Variants in LHPP observed in about 807,000 individuals in gnomAD.
LHPP encodes hLHPP.
In LHPP, 24 loss-of-function variants were observed where a neutral mutation model predicts 30.3. That is an observed-to-expected ratio of 0.79 (90% CI 0.57 to 1.11). The LOEUF is 1.11. Ranked by LOEUF, LHPP falls within the 50% of genes most tolerant of loss-of-function variation. The probability of loss-of-function intolerance (pLI) is 0.00; values close to 1 mark genes in which losing one functional copy is unlikely to be tolerated. For missense variants in LHPP, 356 were observed against 367.2 expected (o/e 0.97, Z 0.25); for synonymous variants, 150 against 157.1 (o/e 0.95, Z 0.34).
chr10:124,599,386 A>G (rs1209414341), intron 6 of LHPP, among the ~76,000 whole-genome samples: 1 of 152,120 alleles, frequency 6.6e-6, no homozygotes, highest in African/African-American at 2.4e-5. Flanking sequence ...TTTCAGCTGC[A>G]CTTTCAGGAT....
chr10:124,482,819 A>G (rs1053704263), intron 1 of LHPP, among the ~76,000 whole-genome samples: 4 of 151,872 alleles, frequency 2.6e-5, no homozygotes, highest in Non-Finnish European at 5.9e-5. Flanking sequence ...CACCCTGTTT[A>G]TATTCTGCAT....
chr10:124,488,681 G>A (rs1953416530), intron 3 of LHPP, 106 bp downstream of exon 3: 1 of 944,026 alleles, frequency 1.1e-6, no homozygotes, highest in South Asian at 1.7e-5. Context: ...GGAGGTGGGA[G>A]GAGCACCGGT....
chr10:124,534,978 C>G (rs759054099), intron 6 of LHPP, among the ~76,000 whole-genome samples: 10 of 152,320 alleles, frequency 6.6e-5, no homozygotes, highest in African/African-American at 1.9e-4. Context: ...CCTGGGTCCT[C>G]GGCGCCTATT....
In LHPP at chr10:124,593,940, G is replaced by A. The variant is rs977210042; in HGVS notation, c.717-19324G>A. On this transcript the variant is annotated intron_variant, in intron 6 of 6. Coordinates refer to ENST00000368842, the MANE Select transcript of LHPP (RefSeq NM_022126.4). This position sits in a 1 kb window ranked among gnomAD's most constrained non-coding sequence, Gnocchi z 4.9. Reference sequence around the variant, plus strand: ...CTATTGAACACCAGGTCCTTGCTGCGTCTGGCTGGGCTGCAGAATACCCTT... The same window carrying A: ...CTATTGAACACCAGGTCCTTGCTGCATCTGGCTGGGCTGCAGAATACCCTT... 5.3e-5 allele frequency among the ~76,000 whole-genome samples: 8 copies of A among 152,372 alleles called. No homozygotes were observed. Among genetic ancestry groups the A allele is most frequent in the South Asian group, 4.1e-4 (2 of 4,834 alleles).
intron 6 of LHPP, among the ~76,000 whole-genome samples, chr10:124,559,929 C>T (rs1463345146): frequency 2.0e-5 from 3 of 152,266 alleles, no homozygotes; most frequent in Non-Finnish European, 2.9e-5. Flanking sequence ...GGTGTTGCCA[C>T]CTGAGGTGCC....
chr10:124,538,121 C>G (rs1955079098), intron 6 of LHPP, among the ~76,000 whole-genome samples: 2 of 152,172 alleles, frequency 1.3e-5, no homozygotes, highest in African/African-American at 4.8e-5. Flanking sequence ...TCTCACCATG[C>G]AGGGTCACCA....
chr10:124,492,218 G>T (rs1447299855), intron 3 of LHPP, among the ~76,000 whole-genome samples: 1 of 152,202 alleles, frequency 6.6e-6, no homozygotes, highest in Non-Finnish European at 1.5e-5. Flanking sequence ...ACTTCTTCAC[G>T]CTGTGTCTCT....
At position 124,475,030 on chromosome 10, in the gene LHPP, C is replaced by CTTTTTTTTTTCTT. The variant is rs57739169; in HGVS notation, c.126-9099_126-9098insCTTTTTTTTTTTT. 2.0e-5 allele frequency among the ~76,000 whole-genome samples: 2 copies of CTTTTTTTTTTCTT among 98,656 alleles called. 1 individual carries two copies. The highest frequency in any genetic ancestry group is 3.7e-5 in the Non-Finnish European group (2 of 53,472). 64.7% of individuals were successfully genotyped at this position (98,656 alleles called of 152,430 possible). ...GAAATGTGCCAGGTGCTTCTCATGT[C>CTTTTTTTTTTCTT]TTTTTTTTTTGAAATGGAGTCTCGC... On this transcript the variant is annotated intron_variant, in intron 1 of 6. Coordinates refer to ENST00000368842, the MANE Select transcript of LHPP (RefSeq NM_022126.4).
intron 5 of LHPP, among the ~76,000 whole-genome samples, chr10:124,509,533 C>T (rs988762793): frequency 1.3e-5 from 2 of 152,134 alleles, no homozygotes; most frequent in Admixed American, 6.5e-5. Context: ...GCTTGTTTCC[C>T]CACATCCTTA....
chr10:124,522,562 T>C (rs1954634995), intron 6 of LHPP, among the ~76,000 whole-genome samples: 1 of 152,220 alleles, frequency 6.6e-6, no homozygotes. Context: ...GACTGGAACC[T>C]GGCCGCCCCC....
At chr10:124,575,673 T>C (rs564062212) in intron 6 of LHPP, among the ~76,000 whole-genome samples, 83 of 152,234 alleles carry the variant, frequency 5.5e-4, no homozygotes, top group African/African-American at 1.9e-3. Flanking sequence ...GTGTCTGTCT[T>C]TCCCCTCGTC....
chr10:124,463,221 CTT>C (rs35305882), intron 1 of LHPP, among the ~76,000 whole-genome samples: 20 of 151,520 alleles, frequency 1.3e-4, no homozygotes, highest in Middle Eastern at 3.4e-3. Context: ...TTAAGTATAC[CTT>C]TTTTTTTTAA....
chr10:124,574,627 G>A (rs545875433), intron 6 of LHPP, among the ~76,000 whole-genome samples: 4 of 152,308 alleles, frequency 2.6e-5, no homozygotes, highest in East Asian at 1.9e-4. Flanking sequence ...GGGAGTGGTC[G>A]CATCCCACCG....
At chr10:124,547,441 C>G (rs1250066479) in intron 6 of LHPP, among the ~76,000 whole-genome samples, 1 of 152,220 alleles carries the variant, frequency 6.6e-6, no homozygotes, top group Non-Finnish European at 1.5e-5. Context: ...CTAGAAGAGT[C>G]TGCAGCTCGT....
chr10:124,530,707 G>C (rs1028994135), intron 6 of LHPP, among the ~76,000 whole-genome samples: 2 of 152,190 alleles, frequency 1.3e-5, no homozygotes, highest in African/African-American at 4.8e-5. Flanking sequence ...AGAACCACGG[G>C]CTTGCTTTAG....
intron 6 of LHPP, among the ~76,000 whole-genome samples, chr10:124,588,494 G>T (rs1374079084): frequency 6.6e-6 from 1 of 152,122 alleles, no homozygotes; most frequent in Non-Finnish European, 1.5e-5. Flanking sequence ...ATGTTGACCA[G>T]ACTAGTCTTG....
At chr10:124,597,796 C>T (rs1272664882) in intron 6 of LHPP, among the ~76,000 whole-genome samples, 2 of 152,202 alleles carry the variant, frequency 1.3e-5, no homozygotes, top group African/African-American at 4.8e-5. Context: ...GGGGATCTGG[C>T]CGTTGGAGTG....
chr10:124,549,399 A>G (rs552020252), intron 6 of LHPP, among the ~76,000 whole-genome samples: 153 of 151,996 alleles, frequency 1.0e-3, no homozygotes, highest in Admixed American at 2.5e-3. Context: ...GTGAGTAGCC[A>G]TGCACTCCAG....
In LHPP at chr10:124,555,306, C is replaced by T. The variant is rs563626235; in HGVS notation, c.716+38035C>T. On this transcript the variant is annotated intron_variant, in intron 6 of 6. Transcript: ENST00000368842. Reference sequence around the variant, plus strand: ...CCTGCAGGAGGCACCCTTGCCAGGGCGAGTGAGCACTGTAGTCTGGGAGAC... The same window carrying T: ...CCTGCAGGAGGCACCCTTGCCAGGGTGAGTGAGCACTGTAGTCTGGGAGAC... 7.9e-5 allele frequency among the ~76,000 whole-genome samples: 12 copies of T among 152,274 alleles called. No individual in the cohort carries two copies. In the South Asian group the frequency reaches 1.9e-3, roughly 24 times the overall value.
Sources: allele counts gnomAD v4.1 joint callset (sites outside exome capture counted in the v4.1 genomes callset), GRCh38; gene constraint gnomAD v4.1.1; non-coding constraint Gnocchi (gnomAD v3.1); transcripts MANE v1.5; gene names NCBI Gene and HGNC (gene_info 2026-07-23, HGNC 2026-07-21).